Variants in MEIS1 observed in about 807,000 individuals in gnomAD.
The protein encoded by MEIS1 is homeobox protein Meis1.
MEIS1 carries 5 observed loss-of-function variants against 50.8 expected under a neutral mutation model. The ratio of observed to expected loss-of-function variants is 0.10; its 90% confidence interval spans 0.05 to 0.21. MEIS1 has a LOEUF of 0.21. Ranked by LOEUF, MEIS1 falls within the 10% of genes least tolerant of loss-of-function variation. The pLI is 1.00. For synonymous variants in MEIS1, 176 were observed against 179.3 expected, an observed-to-expected ratio of 0.98 and a Z score of 0.15; for missense variants, 318 against 517.3, an observed-to-expected ratio of 0.61 and a Z score of 3.74.
At position 66,571,228 on chromosome 2, in the gene MEIS1, C is replaced by T. The variant is rs1212665689; in HGVS notation, c.*38-18C>T. 3.9e-6 allele frequency: 6 copies of T among 1,553,534 alleles called. No homozygotes were observed. The highest frequency in any genetic ancestry group is 4.2e-5 in the Admixed American group (2 of 48,054). The stretch of plus-strand genomic sequence containing the variant: ...CATAACATTTTCTTTTTGTTTCTTT[C>T]TTTTGAATTTCTTACAGGGCTGCAA... On this transcript the variant is annotated intron_variant, in intron 12 of 12. Coordinates refer to ENST00000272369, the MANE Select transcript of MEIS1 (RefSeq NM_002398.3).
chr2:66,451,271 G>A (rs1450903039), intron 6 of MEIS1, among the ~76,000 whole-genome samples: 2 of 152,020 alleles, frequency 1.3e-5, no homozygotes, highest in Non-Finnish European at 2.9e-5. Flanking sequence ...TTAACTGATT[G>A]TCCATACTTG....
At chr2:66,556,955 A>C (rs1190154179) in intron 9 of MEIS1, among the ~76,000 whole-genome samples, 1 of 152,170 alleles carries the variant, frequency 6.6e-6, no homozygotes, top group Non-Finnish European at 1.5e-5. Context: ...CGGGGCACAT[A>C]AGAAGCATGT....
At chr2:66,448,423 T>G (rs1026805382) in intron 6 of MEIS1, among the ~76,000 whole-genome samples, 1 of 152,128 alleles carries the variant, frequency 6.6e-6, no homozygotes, top group African/African-American at 2.4e-5. Flanking sequence ...TAAGGCCAAG[T>G]AGATAGACTA....
At chr2:66,500,417 TTTTA>T (rs1290399426) in intron 7 of MEIS1, among the ~76,000 whole-genome samples, 4 of 152,076 alleles carry the variant, frequency 2.6e-5, no homozygotes, top group Non-Finnish European at 4.4e-5. Context: ...CTTTTTAAAT[TTTTA>T]TTTATTTATT....
In MEIS1 at chr2:66,442,656, C is replaced by T. The variant is rs140320339; in HGVS notation, c.484-246C>T. 1.1e-3 allele frequency: 473 copies of T among 416,162 alleles called. 2 individuals carry two copies. Among genetic ancestry groups the T allele is most frequent in the African/African-American group, 7.0e-3 (336 of 48,194 alleles). 25.8% of individuals were successfully genotyped at this position (416,162 alleles called of 1,614,324 possible). ...GCCCCAGGAGCAGATGAATTTAACA[C>T]GGGTGTTGAATATGTTGTAGCCTGT... On this transcript the variant is annotated intron_variant, in intron 5 of 12. Transcript: ENST00000272369.
At chr2:66,562,537 A>G (rs917989892) in intron 9 of MEIS1, among the ~76,000 whole-genome samples, 2 of 152,142 alleles carry the variant, frequency 1.3e-5, no homozygotes, top group Non-Finnish European at 2.9e-5. Flanking sequence ...AATTCAAAAT[A>G]AAATTCAATT....
intron 6 of MEIS1, among the ~76,000 whole-genome samples, chr2:66,453,814 A>G (rs1254238437): frequency 6.6e-6 from 1 of 151,924 alleles, no homozygotes; most frequent in Non-Finnish European, 1.5e-5. Context: ...AAACAAGACT[A>G]TATCTTGGCT....
chr2:66,519,337 G>A (rs1301418234), intron 8 of MEIS1, among the ~76,000 whole-genome samples: 1 of 152,158 alleles, frequency 6.6e-6, no homozygotes, highest in Admixed American at 6.5e-5. Context: ...GATAGGGATT[G>A]TGTAGATCCA....
intron 6 of MEIS1, among the ~76,000 whole-genome samples, chr2:66,446,466 C>T (rs1459097343): frequency 6.6e-6 from 1 of 152,060 alleles, no homozygotes; most frequent in Admixed American, 6.5e-5. Flanking sequence ...CTGCCGGTAG[C>T]GAGCCGAGAT....
chr2:66,503,906 G>A (rs1030906393), intron 7 of MEIS1, among the ~76,000 whole-genome samples: 1 of 151,702 alleles, frequency 6.6e-6, no homozygotes, highest in Non-Finnish European at 1.5e-5. Context: ...CACCATGCCT[G>A]GCTAATTTTT....
chr2:66,457,143 G>A (rs1347621829), intron 6 of MEIS1, among the ~76,000 whole-genome samples: 1 of 146,188 alleles, frequency 6.8e-6, no homozygotes, highest in Non-Finnish European at 1.5e-5. Context: ...AATGAATTTT[G>A]CTTAGTGATT....
chr2:66,482,053 G>C (rs1451490366), intron 7 of MEIS1, among the ~76,000 whole-genome samples: 2 of 151,688 alleles, frequency 1.3e-5, no homozygotes, highest in African/African-American at 4.8e-5. Context: ...GTAGAGACGG[G>C]GTTTCACCAT....
chr2:66,525,839 G>A (rs1674237071), intron 8 of MEIS1, among the ~76,000 whole-genome samples: 1 of 152,234 alleles, frequency 6.6e-6, no homozygotes, highest in Non-Finnish European at 1.5e-5. Flanking sequence ...TGCAGCGACG[G>A]AAGTTATCAT....
intron 6 of MEIS1, among the ~76,000 whole-genome samples, chr2:66,460,887 A>G (rs1672502325): frequency 6.6e-6 from 1 of 152,122 alleles, no homozygotes; most frequent in Non-Finnish European, 1.5e-5. Flanking sequence ...CTTTGGGAAA[A>G]ATATGCAAGT....
intron 12 of MEIS1, chr2:66,569,418 G>T (rs1675430235): frequency 4.4e-6 from 1 of 225,382 alleles, no homozygotes; most frequent in Non-Finnish European, 8.7e-6. Context: ...GGAGTGGGTT[G>T]TCATAGCAAC....
At chr2:66,542,202 A>C (rs1674671187) in intron 8 of MEIS1, among the ~76,000 whole-genome samples, 1 of 152,208 alleles carries the variant, frequency 6.6e-6, no homozygotes, top group Admixed American at 6.5e-5. Context: ...ATTTAGATCC[A>C]CAGTATTCCC....
At chr2:66,439,352 C>T in intron 2 of MEIS1, 1 of 1,223,168 alleles carries the variant, frequency 8.2e-7, no homozygotes, top group Non-Finnish European at 1.0e-6. Flanking sequence ...CATGGACGTC[C>T]TTTCCCCAAG....
chr2:66,551,211 A>G (rs1674910500), intron 9 of MEIS1, among the ~76,000 whole-genome samples: 1 of 152,210 alleles, frequency 6.6e-6, no homozygotes, highest in Non-Finnish European at 1.5e-5. Flanking sequence ...AAAATAGACA[A>G]GAAGTTTGCT....
At chr2:66,463,202 C>T (rs749170587) in intron 6 of MEIS1, among the ~76,000 whole-genome samples, 5 of 151,196 alleles carry the variant, frequency 3.3e-5, no homozygotes, top group East Asian at 1.9e-4. Flanking sequence ...ATTTTACATA[C>T]GAGATGATCC....
Sources: gnomAD v4.1 joint callset for allele counts (sites outside exome capture counted in the v4.1 genomes callset) on GRCh38, gnomAD v4.1.1 for gene constraint, MANE v1.5 for transcripts, NCBI Gene and HGNC (gene_info 2026-07-23, HGNC 2026-07-21) for gene names.